The following PGLYRP4 variants were observed in gnomAD, a reference collection of about 807,000 sequenced individuals.
The protein encoded by PGLYRP4 is peptidoglycan recognition protein 4, also known as PGRP-I-beta.
PGLYRP4 carries 39 observed loss-of-function variants against 41.2 expected under a neutral mutation model. The ratio of observed to expected loss-of-function variants is 0.95; its 90% confidence interval spans 0.73 to 1.24. The LOEUF is 1.24. Ranked by LOEUF, PGLYRP4 falls within the 50% of genes most tolerant of loss-of-function variation. The probability of loss-of-function intolerance (pLI) is 0.00; values close to 1 mark genes in which losing one functional copy is unlikely to be tolerated. For missense variants in PGLYRP4, 467 were observed against 460.7 expected (o/e 1.01, Z -0.13); for synonymous variants, 202 against 186.8 (o/e 1.08, Z -0.66).
rs118181564 is a variant in PGLYRP4, at chr1:153,345,252, G to C, written c.270C>G (p.His90Gln). The part of the protein sequence containing the change: ...VIHHVPGLEC[H>Q]DQTVCSQRLR... ...GTCTCTGGCTGCAGACTGTCTGGTC[G>C]TGACACTCCAGTCCAGGGACATGGT... The change falls in exon 4 of 9, where the codon CAC becomes CAG. Residue 90 changes from histidine (H) to glutamine (Q), a missense_variant. Transcript: ENST00000359650. 1 of 1,614,146 alleles carries C rather than the reference G, an allele frequency of 6.2e-7. No homozygotes were observed. The highest frequency in any genetic ancestry group is 1.1e-5 in the South Asian group (1 of 91,080).
chr1:153,331,286 T>A (rs1660326835), intron 8 of PGLYRP4, among the ~76,000 whole-genome samples: 1 of 152,208 alleles, frequency 6.6e-6, no homozygotes, highest in Admixed American at 6.5e-5. Context: ...AAAACTGGGA[T>A]GCAGGGGAAT....
chr1:153,331,043 TC>T, intron 8 of PGLYRP4, 98 bp from the exon 9 acceptor site: 1 of 985,078 alleles, frequency 1.0e-6, no homozygotes, highest in Non-Finnish European at 1.5e-6. Flanking sequence ...GCTAATAGAT[TC>T]CACTGTTGGC....
At chr1:153,335,023 C>T (rs1660492660) in intron 8 of PGLYRP4, among the ~76,000 whole-genome samples, 1 of 151,768 alleles carries the variant, frequency 6.6e-6, no homozygotes, top group Non-Finnish European at 1.5e-5. Context: ...GAAACTAGAC[C>T]CACTGCATAT....
rs1355767574 is a variant in PGLYRP4 at position 153,347,911 on chromosome 1, A to G, written c.22T>C (p.Phe8Leu). The change falls in exon 2 of 9, where the codon TTC becomes CTC. Residue 8 changes from phenylalanine (F) to leucine (L), a missense_variant. Physicochemically the swap from Phe to Leu is conservative, Grantham distance 22. Transcript: ENST00000359650. Reference protein sequence around the residue: MLPWLLVFSALGIQAWGD... With the variant: MLPWLLVLSALGIQAWGD... ...CAGGCCTGGATACCCAGAGCAGAGAAGACAAGAAGCCACGGCAGCATCCCC... is the reference window on the plus strand; with the variant it reads ...CAGGCCTGGATACCCAGAGCAGAGAGGACAAGAAGCCACGGCAGCATCCCC... 6.2e-7 allele frequency: 1 copy of G among 1,613,728 alleles called. No individual in the cohort carries two copies. Among genetic ancestry groups the G allele is most frequent in the Non-Finnish European group, 8.5e-7 (1 of 1,179,650 alleles).
At chr1:153,333,593 CA>C (rs1208538508) in intron 8 of PGLYRP4, among the ~76,000 whole-genome samples, 2 of 152,164 alleles carry the variant, frequency 1.3e-5, no homozygotes, top group Non-Finnish European at 2.9e-5. Flanking sequence ...ATACCAACGC[CA>C]GGTAAGGACA....
Position 153,347,929 on chromosome 1 carries a change from G to A in PGLYRP4, c.4C>T (p.Leu2=). 2 of 1,613,384 alleles carry A rather than the reference G, an allele frequency of 1.2e-6. No individual in the cohort carries two copies. The highest frequency in any genetic ancestry group is 1.7e-5 in the Admixed American group (1 of 59,990). Residue 2 remains leucine (L), a synonymous_variant, in exon 2 of 9, where the codon CTG becomes TTG. Transcript: ENST00000359650. The part of the protein sequence containing the change: M[L]PWLLVFSALG... ...GCAGAGAAGACAAGAAGCCACGGCA[G>A]CATCCCCACGTGGTCCCAGGACACC...
At chr1:153,332,512 G>T (rs1323905323) in intron 8 of PGLYRP4, among the ~76,000 whole-genome samples, 1 of 152,034 alleles carries the variant, frequency 6.6e-6, no homozygotes, top group Non-Finnish European at 1.5e-5. Flanking sequence ...ACTTAAATTG[G>T]ACTCTAGATC....
Position 153,340,404 on chromosome 1 carries a change from G to C in PGLYRP4, c.801C>G (p.Leu267=). The C allele has an allele frequency of 1.2e-6, 2 of 1,614,112 alleles. No individual in the cohort carries two copies. The highest frequency in any genetic ancestry group is 1.7e-6 in the Non-Finnish European group (2 of 1,179,996). The change falls in exon 7 of 9, where the codon CTC becomes CTG. Residue 267 remains leucine, a synonymous_variant. Coordinates refer to ENST00000359650, the MANE Select transcript of PGLYRP4 (RefSeq NM_020393.4). The stretch of plus-strand genomic sequence containing the variant: ...ACTTATAACCAATGTCGCATGACTT[G>C]AGCCTGTCTATGTAGAAAGACTGGA... The part of the protein sequence containing the change: ...RDIQSFYIDR[L]KSCDIGYNFL...
At chr1:153,339,776 A>G (rs971360989) in intron 7 of PGLYRP4, among the ~76,000 whole-genome samples, 10 of 5,708 alleles carry the variant, frequency 1.8e-3, no homozygotes, top group Admixed American at 7.5e-3. Context: ...TTAATGGGGA[A>G]AAAAAAAAGA....
At position 153,346,136 on chromosome 1, in the gene PGLYRP4, G is replaced by A; in HGVS notation, c.105C>T (p.Tyr35=). The A allele has an allele frequency of 3.1e-6, 5 of 1,613,764 alleles. No homozygotes were observed. Among genetic ancestry groups the A allele is most frequent in the Non-Finnish European group, 1.7e-6 (2 of 1,179,732 alleles). ...TGAGCTGGGAGATGTTCTCAAATAG[G>A]TACTGGAGCCCCTCTGATACCTGTT... ...QAKQVSEGLQ[Y]LFENISQLTE... The change falls in exon 3 of 9, where the codon TAC becomes TAT. Residue 35 remains tyrosine, a synonymous_variant. Coordinates refer to ENST00000359650, the MANE Select transcript of PGLYRP4 (RefSeq NM_020393.4).
At chr1:153,335,963 A>G (rs1171878444) in intron 8 of PGLYRP4, among the ~76,000 whole-genome samples, 3 of 152,130 alleles carry the variant, frequency 2.0e-5, no homozygotes, top group Non-Finnish European at 4.4e-5. Flanking sequence ...GTTTATCTCA[A>G]CACTATTCAT....
chr1:153,335,116 T>C (rs1185507065), intron 8 of PGLYRP4, among the ~76,000 whole-genome samples: 2 of 152,090 alleles, frequency 1.3e-5, no homozygotes, highest in Non-Finnish European at 2.9e-5. Flanking sequence ...AGGGAAAAAC[T>C]CTTCTGGACA....
intron 3 of PGLYRP4, 122 bp from the exon 4 acceptor site, chr1:153,345,504 C>T: frequency 1.3e-6 from 1 of 769,248 alleles, no homozygotes; most frequent in South Asian, 1.6e-5. Flanking sequence ...GGCAGGTGCA[C>T]CTGCCCTGCC....
intron 8 of PGLYRP4, among the ~76,000 whole-genome samples, chr1:153,336,010 A>G (rs1429971271): frequency 6.7e-6 from 1 of 149,686 alleles, no homozygotes; most frequent in East Asian, 2.0e-4. Flanking sequence ...ATGTCCATCA[A>G]TGGATGACTG....
intron 6 of PGLYRP4, 137 bp downstream of exon 6, chr1:153,341,490 T>C (rs1660796989): frequency 1.1e-5 from 8 of 756,442 alleles, no homozygotes; most frequent in African/African-American, 1.8e-5. Flanking sequence ...GCCCCAAGAG[T>C]TCAGAGAGTT....
In PGLYRP4 at chr1:153,341,653, G is replaced by A. The variant is rs1251960659; in HGVS notation, c.599C>T (p.Pro200Leu). ...LLGKGENCLA[P>L]RQKTSLKKAC... ...CTTCTTCAGGCTTGTCTTCTGCCGA[G>A]GGGCCAGGCAGTTCTCGCCTTTCCC... Residue 200 changes from proline to leucine, a missense_variant, in exon 6 of 9, where the codon CCT becomes CTT. Coordinates refer to ENST00000359650, the MANE Select transcript of PGLYRP4 (RefSeq NM_020393.4). 1 of 1,613,302 alleles carries A rather than the reference G, an allele frequency of 6.2e-7. No homozygotes were observed. The highest frequency in any genetic ancestry group is 2.2e-5 in the East Asian group (1 of 44,870).
chr1:153,340,236 C>A, intron 7 of PGLYRP4, 145 bp downstream of exon 7: 1 of 702,306 alleles, frequency 1.4e-6, no homozygotes, highest in Non-Finnish European at 2.4e-6. Context: ...CAGGCAGGGT[C>A]GTGTGATGAA....
In PGLYRP4 at chr1:153,347,877, A is replaced by G; in HGVS notation, c.49+7T>C. On this transcript the variant is annotated splice_region_variant and intron_variant, in intron 2 of 8. Transcript: ENST00000359650. Reference sequence around the variant, plus strand: ...GTTGCTTTTTGGCCCAGGGAAAGAAAACTTACCCCAGGCCTGGATACCCAG... The same window carrying G: ...GTTGCTTTTTGGCCCAGGGAAAGAAGACTTACCCCAGGCCTGGATACCCAG... 1 of 1,610,876 alleles carries G rather than the reference A, an allele frequency of 6.2e-7. No individual in the cohort carries two copies. Among genetic ancestry groups the G allele is most frequent in the Non-Finnish European group, 8.5e-7 (1 of 1,177,308 alleles).
chr1:153,344,484 C>T (rs566802945), intron 4 of PGLYRP4, among the ~76,000 whole-genome samples: 6 of 152,196 alleles, frequency 3.9e-5, no homozygotes, highest in Non-Finnish European at 4.4e-5. Context: ...AAGGCATTCA[C>T]TCCCTTTTGT....
Sources: gnomAD v4.1 joint callset for allele counts (sites outside exome capture counted in the v4.1 genomes callset) on GRCh38, gnomAD v4.1.1 for gene constraint, MANE v1.5 for transcripts, NCBI Gene and HGNC (gene_info 2026-07-23, HGNC 2026-07-21) for gene names.